PARD3B: variants seen among roughly 807,000 people sequenced by gnomAD.
PARD3B encodes the protein partitioning defective 3 homolog B.
Under a neutral mutation model 130.2 loss-of-function variants are expected in PARD3B, and 103 were observed. The observed-to-expected ratio is 0.79, with a 90% CI of 0.67 to 0.93. The LOEUF (loss-of-function observed/expected upper bound fraction) is 0.93, where lower values mean the gene tolerates loss of function less well. PARD3B is among the 40% of genes least tolerant of loss of function. The probability of loss-of-function intolerance (pLI) is 0.00; values close to 1 mark genes in which losing one functional copy is unlikely to be tolerated. For synonymous variants in PARD3B, 583 were observed against 553.2 expected (o/e 1.05, Z -0.76); for missense variants, 1,609 against 1,499.2 (o/e 1.07, Z -1.21).
chr2:205,423,805 G>T lies in PARD3B; in HGVS notation c.2742-16565G>T, dbSNP rs189915400. 7.2e-5 allele frequency among the ~76,000 whole-genome samples: 11 copies of T among 152,264 alleles called. No individual in the cohort carries two copies. The East Asian group carries it at 2.1e-3, about 29-fold the overall frequency. On this transcript the variant is annotated intron_variant, in intron 19 of 22. Transcript: ENST00000406610. ...CCTTTGCAAGGACATGGATGGAAAT[G>T]GAGGCCATTATCCTTAGCAAACTAA...
At chr2:204,783,969 C>A (rs1010606270) in intron 2 of PARD3B, among the ~76,000 whole-genome samples, 2 of 151,666 alleles carry the variant, frequency 1.3e-5, no homozygotes, top group Non-Finnish European at 2.9e-5. Context: ...CCTATTGTAA[C>A]AGTTAAGAGA....
intron 18 of PARD3B, among the ~76,000 whole-genome samples, chr2:205,365,324 T>C (rs1371224792): frequency 6.6e-6 from 1 of 151,294 alleles, no homozygotes; most frequent in African/African-American, 2.4e-5. Context: ...TGAGCCAAGA[T>C]TGCCCAAGAT....
intron 1 of PARD3B, among the ~76,000 whole-genome samples, chr2:204,662,932 A>G (rs1286174882): frequency 1.3e-5 from 2 of 152,102 alleles, no homozygotes; most frequent in Non-Finnish European, 2.9e-5. Flanking sequence ...CTGCTGTTCT[A>G]TTACATATTT....
chr2:205,018,236 A>G (rs1050845496), intron 3 of PARD3B, among the ~76,000 whole-genome samples: 1 of 152,168 alleles, frequency 6.6e-6, no homozygotes, highest in African/African-American at 2.4e-5. Context: ...GTGAGTACTC[A>G]CTTTAATGCC....
intron 21 of PARD3B, among the ~76,000 whole-genome samples, chr2:205,545,564 C>T (rs2052345929): frequency 6.6e-6 from 1 of 152,116 alleles, no homozygotes; most frequent in Non-Finnish European, 1.5e-5. Flanking sequence ...CTAAGTAAGA[C>T]ATATTTGTAA....
chr2:205,323,339 A>AG (rs1443723098), intron 18 of PARD3B, among the ~76,000 whole-genome samples: 3 of 152,246 alleles, frequency 2.0e-5, no homozygotes, highest in Non-Finnish European at 4.4e-5. Context: ...GACAATGTCT[A>AG]GAAAACAAAC....
At chr2:205,389,876 T>C (rs2045790454) in intron 18 of PARD3B, among the ~76,000 whole-genome samples, 1 of 152,238 alleles carries the variant, frequency 6.6e-6, no homozygotes, top group Non-Finnish European at 1.5e-5. Context: ...GCTTTGGGTT[T>C]AAATTTCATT....
At chr2:205,189,626 T>C (rs905903036) in intron 14 of PARD3B, among the ~76,000 whole-genome samples, 7 of 152,320 alleles carry the variant, frequency 4.6e-5, no homozygotes, top group African/African-American at 1.4e-4. Flanking sequence ...TGTGTCACCC[T>C]CTTAATGCAA....
At chr2:205,171,892 G>T (rs1345456066) in intron 11 of PARD3B, among the ~76,000 whole-genome samples, 1 of 152,188 alleles carries the variant, frequency 6.6e-6, no homozygotes, top group East Asian at 1.9e-4. Flanking sequence ...GTCTCCGCCA[G>T]AGCAAATGGC....
At chr2:205,324,529 T>A (rs1249940557) in intron 18 of PARD3B, among the ~76,000 whole-genome samples, 8 of 152,198 alleles carry the variant, frequency 5.3e-5, no homozygotes, top group Non-Finnish European at 1.2e-4. Flanking sequence ...AGTTGCAGGT[T>A]AATATATCAA....
At chr2:205,224,535 C>A (rs1485046573) in intron 15 of PARD3B, among the ~76,000 whole-genome samples, 2 of 149,110 alleles carry the variant, frequency 1.3e-5, no homozygotes, top group Non-Finnish European at 3.0e-5. Flanking sequence ...ACCGCCACTC[C>A]CCAGAAGCCC....
chr2:204,921,149 C>A (rs2047662476), intron 2 of PARD3B, among the ~76,000 whole-genome samples: 1 of 152,166 alleles, frequency 6.6e-6, no homozygotes, highest in East Asian at 1.9e-4. Context: ...CTTTACAAAC[C>A]TGAGACTATG....
chr2:205,357,782 T>C (rs1283952149), intron 18 of PARD3B, among the ~76,000 whole-genome samples: 1 of 152,242 alleles, frequency 6.6e-6, no homozygotes, highest in Non-Finnish European at 1.5e-5. Flanking sequence ...AGACTATGGC[T>C]TAATGTTTCT....
In PARD3B at chr2:205,135,256, C is replaced by G. The variant is rs918563595; in HGVS notation, c.1434+9519C>G. ...GCTGGATAAGAAGTTGGTTACAAAA[C>G]TTAGGGGACAACCTTGATTTGCTTA... On this transcript the variant is annotated intron_variant, in intron 10 of 22. Transcript: ENST00000406610. 7.2e-5 allele frequency among the ~76,000 whole-genome samples: 11 copies of G among 152,152 alleles called. 1 individual carries two copies. The highest frequency in any genetic ancestry group is 7.2e-4 in the Admixed American group (11 of 15,276).
chr2:204,627,219 T>A (rs1053644145), intron 1 of PARD3B, among the ~76,000 whole-genome samples: 1 of 152,164 alleles, frequency 6.6e-6, no homozygotes, highest in African/African-American at 2.4e-5. Flanking sequence ...CTTTATAAAT[T>A]ACCTAGTCTT....
chr2:205,040,451 A>G (rs1244371438), intron 3 of PARD3B, among the ~76,000 whole-genome samples: 6 of 152,160 alleles, frequency 3.9e-5, no homozygotes, highest in Admixed American at 1.3e-4. Context: ...TTTGTACCAT[A>G]TCTCTGAAGG....
intron 1 of PARD3B, among the ~76,000 whole-genome samples, chr2:204,580,908 T>C (rs1184239640): frequency 6.6e-6 from 1 of 152,230 alleles, no homozygotes; most frequent in Non-Finnish European, 1.5e-5. Context: ...AGTATATTTT[T>C]AAATTACAGT....
rs80119451 is a variant in PARD3B at position 205,353,094 on chromosome 2, G to T, written c.2631-47919G>T. The stretch of plus-strand genomic sequence containing the variant: ...ATTTATCTACAGATGTCTTTAACTC[G>T]TTACTGTGTCCAGCCTGTGCCACCA... On this transcript the variant is annotated intron_variant, in intron 18 of 22. Transcript: ENST00000406610. Among the ~76,000 whole-genome samples the T allele has an allele frequency of 3.1e-3, 472 of 152,214 alleles. 2 individuals carry two copies. The highest frequency in any genetic ancestry group is 0.011 in the African/African-American group (448 of 41,544).
rs115910813 is a variant in PARD3B, at chr2:204,697,236, A to G, written c.222+10954A>G. 8.3e-3 allele frequency among the ~76,000 whole-genome samples: 1,263 copies of G among 152,192 alleles called. 11 individuals carry two copies. The highest frequency in any genetic ancestry group is 0.028 in the African/African-American group (1,146 of 41,526). Reference sequence around the variant, plus strand: ...GTGTTCTAAATAGTTCGCCTTTTAAATGGGAATTTTACAGAGCTCTTGGTT... The same window carrying G: ...GTGTTCTAAATAGTTCGCCTTTTAAGTGGGAATTTTACAGAGCTCTTGGTT... On this transcript the variant is annotated intron_variant, in intron 2 of 22. Transcript: ENST00000406610.
Sources: gnomAD v4.1 joint callset for allele counts (sites outside exome capture counted in the v4.1 genomes callset) on GRCh38, gnomAD v4.1.1 for gene constraint, MANE v1.5 for transcripts, NCBI Gene and HGNC (gene_info 2026-07-23, HGNC 2026-07-21) for gene names.